Variants in PPM1H observed in about 807,000 individuals in gnomAD.
The protein encoded by PPM1H is protein phosphatase, Mg2+/Mn2+ dependent 1H.
In PPM1H, 27 loss-of-function variants were observed where a neutral mutation model predicts 54.9. That is an observed-to-expected ratio of 0.49 (90% confidence interval 0.36 to 0.68). PPM1H has a LOEUF of 0.68. PPM1H is among the 30% of genes least tolerant of loss of function. The pLI is 0.00. For synonymous variants in PPM1H, 305 were observed against 270.8 expected (o/e 1.13, Z -1.24); for missense variants, 596 against 667.8 (o/e 0.89, Z 1.19).
chr12:62,905,270 G>C (rs1047641707), intron 1 of PPM1H, among the ~76,000 whole-genome samples: 1 of 152,224 alleles, frequency 6.6e-6, no homozygotes, highest in Non-Finnish European at 1.5e-5. Flanking sequence ...AAAGAAGCCA[G>C]GGTTTCTTAG....
intron 4 of PPM1H, among the ~76,000 whole-genome samples, chr12:62,746,067 T>C (rs145166943): frequency 4.5e-4 from 69 of 152,240 alleles, no homozygotes; most frequent in African/African-American, 1.6e-3. Context: ...TTGTGGTACA[T>C]GCCCATAGTC....
At chr12:62,717,123 G>A (rs2076239067) in intron 6 of PPM1H, among the ~76,000 whole-genome samples, 1 of 152,172 alleles carries the variant, frequency 6.6e-6, no homozygotes, top group African/African-American at 2.4e-5. Flanking sequence ...ATAGGTATGA[G>A]CCACTGTGCT....
At chr12:62,914,458 C>T (rs564487206) in intron 1 of PPM1H, among the ~76,000 whole-genome samples, 4 of 152,290 alleles carry the variant, frequency 2.6e-5, no homozygotes, top group South Asian at 2.1e-4. Context: ...AGCAATAGTA[C>T]ACACAGTAAC....
chr12:62,750,062 T>A (rs1423944846), intron 4 of PPM1H, among the ~76,000 whole-genome samples: 1 of 93,440 alleles, frequency 1.1e-5, no homozygotes, highest in Non-Finnish European at 2.0e-5. Context: ...GTGCATATCA[T>A]TTCTCAAAAA....
At chr12:62,786,149 C>A (rs11174650) in intron 4 of PPM1H, among the ~76,000 whole-genome samples, 4 of 152,146 alleles carry the variant, frequency 2.6e-5, no homozygotes, top group Admixed American at 1.3e-4. Flanking sequence ...ATCATCCACT[C>A]GGTCTTACTC....
Position 62,841,189 on chromosome 12 carries a change from A to G in PPM1H, c.246-8910T>C, listed in dbSNP as rs115236599. Among the ~76,000 whole-genome samples the G allele has an allele frequency of 4.4e-3, 671 of 152,296 alleles. 6 individuals are homozygous for G. The highest frequency in any genetic ancestry group is 0.016 in the African/African-American group (647 of 41,558). ...AGATAATGCAATTGGTTTTAGGTCA[A>G]TGAAAAGAGAGTACAAGGTACCAGA... is the stretch of plus-strand genomic sequence containing the variant. On this transcript the variant is annotated intron_variant, in intron 1 of 9. Coordinates refer to ENST00000228705, the MANE Select transcript of PPM1H (RefSeq NM_020700.2).
At chr12:62,650,676 G>A (rs151268316) in intron 9 of PPM1H, among the ~76,000 whole-genome samples, 12 of 152,224 alleles carry the variant, frequency 7.9e-5, no homozygotes, top group Middle Eastern at 3.4e-3. Flanking sequence ...AAATCATGCC[G>A]GATGGTGAAG....
At chr12:62,881,808 A>G (rs1403639078) in intron 1 of PPM1H, among the ~76,000 whole-genome samples, 2 of 152,190 alleles carry the variant, frequency 1.3e-5, no homozygotes, top group African/African-American at 4.8e-5. Context: ...TCCAGCTGCC[A>G]TCGCTTGCTT....
At chr12:62,878,303 C>T (rs1340750226) in intron 1 of PPM1H, among the ~76,000 whole-genome samples, 4 of 152,096 alleles carry the variant, frequency 2.6e-5, no homozygotes, top group Non-Finnish European at 2.9e-5. Context: ...TGTTCTTCAT[C>T]CCCGCTTTGA....
At chr12:62,706,777 T>G (rs2076176945) in intron 6 of PPM1H, among the ~76,000 whole-genome samples, 1 of 152,182 alleles carries the variant, frequency 6.6e-6, no homozygotes, top group African/African-American at 2.4e-5. Flanking sequence ...CAAAATGGCA[T>G]GAGATGCAAA....
At chr12:62,725,265 G>A (rs891467948) in intron 5 of PPM1H, among the ~76,000 whole-genome samples, 3 of 152,136 alleles carry the variant, frequency 2.0e-5, no homozygotes, top group Non-Finnish European at 4.4e-5. Flanking sequence ...TTGGTGTGTT[G>A]GGACTCAGGA....
chr12:62,748,116 G>T (rs929345662), intron 4 of PPM1H, among the ~76,000 whole-genome samples: 1 of 152,052 alleles, frequency 6.6e-6, no homozygotes, highest in Non-Finnish European at 1.5e-5. Flanking sequence ...AGTAGCTCAC[G>T]CCTGTAATCC....
At chr12:62,721,871 T>G (rs1035287006) in intron 5 of PPM1H, among the ~76,000 whole-genome samples, 1 of 152,202 alleles carries the variant, frequency 6.6e-6, no homozygotes, top group Non-Finnish European at 1.5e-5. Context: ...TAGTGATTAT[T>G]GAATCCTATT....
chr12:62,867,944 A>G (rs1220075835), intron 1 of PPM1H, among the ~76,000 whole-genome samples: 1 of 152,032 alleles, frequency 6.6e-6, no homozygotes, highest in Non-Finnish European at 1.5e-5. Flanking sequence ...TGCCCATATT[A>G]CGTTCTGGGG....
intron 1 of PPM1H, among the ~76,000 whole-genome samples, chr12:62,931,991 C>A (rs931469390): frequency 6.6e-6 from 1 of 151,502 alleles, no homozygotes; most frequent in African/African-American, 2.4e-5. Flanking sequence ...TTTATGAGGG[C>A]ATCCAAAGAA....
chr12:62,805,872 G>GT (rs1195882657), intron 2 of PPM1H, among the ~76,000 whole-genome samples: 3 of 152,142 alleles, frequency 2.0e-5, no homozygotes, highest in African/African-American at 7.2e-5. Context: ...ACAAAAACTG[G>GT]TAACTATGTA....
At chr12:62,650,114 A>G (rs1371095291) in intron 9 of PPM1H, among the ~76,000 whole-genome samples, 2 of 152,172 alleles carry the variant, frequency 1.3e-5, no homozygotes, top group African/African-American at 4.8e-5. Flanking sequence ...ACAGACTTTC[A>G]TGTTGAGAAC....
At chr12:62,684,550 A>G (rs1173427868) in intron 8 of PPM1H, among the ~76,000 whole-genome samples, 1 of 152,154 alleles carries the variant, frequency 6.6e-6, no homozygotes, top group African/African-American at 2.4e-5. Context: ...ACAATGATGA[A>G]TGGGAACAAT....
chr12:62,742,063 C>G (rs919879329), intron 4 of PPM1H, among the ~76,000 whole-genome samples: 4 of 151,986 alleles, frequency 2.6e-5, no homozygotes, highest in Non-Finnish European at 5.9e-5. Context: ...CAGTGCCTCT[C>G]TCCTTAGTGG....
Sources: gnomAD v4.1 joint callset for allele counts (sites outside exome capture counted in the v4.1 genomes callset) on GRCh38, gnomAD v4.1.1 for gene constraint, MANE v1.5 for transcripts, NCBI Gene and HGNC (gene_info 2026-07-23, HGNC 2026-07-21) for gene names.